DNHD1: variants seen among roughly 807,000 people sequenced by gnomAD.
DNHD1 encodes the protein dynein heavy chain domain-containing protein 1.
In DNHD1, 383 loss-of-function variants were observed where a neutral mutation model predicts 458.1. That is an observed-to-expected ratio of 0.84 (90% CI 0.77 to 0.91). DNHD1 has a LOEUF of 0.91. Ranked by LOEUF, DNHD1 falls within the 40% of genes least tolerant of loss-of-function variation. The probability of loss-of-function intolerance (pLI) is 0.00; values close to 1 mark genes in which losing one functional copy is unlikely to be tolerated. For synonymous variants in DNHD1, 2,203 were observed against 2,376.9 expected (o/e 0.93, Z 2.13); for missense variants, 5,336 against 5,866.1 (o/e 0.91, Z 2.95).
Position 6,559,125 on chromosome 11 carries a change from G to T in DNHD1, c.9416+19G>T. On this transcript the variant is annotated intron_variant, in intron 27 of 42. Coordinates refer to ENST00000254579, the MANE Select transcript of DNHD1 (RefSeq NM_144666.3). ...CCCAGCGGTGAGTGTCCCGTCCCCT[G>T]CAGTGTACCTCCTTCTGCTCCTTTG... 6.4e-7 allele frequency: 1 copy of T among 1,551,676 alleles called. No homozygotes were observed. Among genetic ancestry groups the T allele is most frequent in the Non-Finnish European group, 8.7e-7 (1 of 1,146,982 alleles).
Position 6,519,839 on chromosome 11 carries a change from G to A in DNHD1, c.1632G>A (p.Val544=). The change falls in exon 8 of 43, where the codon GTG becomes GTA. Residue 544 remains valine (V), a synonymous_variant. Coordinates refer to ENST00000254579, the MANE Select transcript of DNHD1 (RefSeq NM_144666.3). ...SVLEEQITSF[V]ANILQAPRQK... ...TGGAAGAGCAGATAACCTCTTTTGT[G>A]GCCAACATCCTTCAAGTGAGGTGGT... is the stretch of plus-strand genomic sequence containing the variant. 1.9e-6 allele frequency: 3 copies of A among 1,612,538 alleles called. No individual in the cohort carries two copies. The South Asian group carries it at 3.3e-5, about 18-fold the overall frequency.
Position 6,551,720 on chromosome 11 carries a change from A to G in DNHD1, c.7387+2787A>G, listed in dbSNP as rs542332858. Reference sequence around the variant, plus strand: ...CACTTTGGGAGGCCAAGGAGGGCAGATCACGAGGTCAGGAGATGGAGACCA... The same window carrying G: ...CACTTTGGGAGGCCAAGGAGGGCAGGTCACGAGGTCAGGAGATGGAGACCA... On this transcript the variant is annotated intron_variant, in intron 24 of 42. Transcript: ENST00000254579. Among the ~76,000 whole-genome samples the G allele has an allele frequency of 2.6e-5, 4 of 152,302 alleles. No homozygotes were observed. The South Asian group carries it at 8.3e-4, about 32-fold the overall frequency.
At position 6,566,221 on chromosome 11, in the gene DNHD1, C is replaced by G. The variant is rs932307739; in HGVS notation, c.11054-20C>G. ...GGGTGCTGGCATTGTGGGTAGGGTG[C>G]CTTTGCCTCCCTCTCACAGGCCTGC... On this transcript the variant is annotated intron_variant, in intron 33 of 42. Coordinates refer to ENST00000254579, the MANE Select transcript of DNHD1 (RefSeq NM_144666.3). 2.6e-6 allele frequency: 4 copies of G among 1,549,408 alleles called. No individual in the cohort carries two copies. The East Asian group carries it at 7.3e-5, about 28-fold the overall frequency.
In DNHD1 at chr11:6,545,187, G is replaced by C; in HGVS notation, c.4248G>C (p.Gln1416His). ...ACTGGGAGTCAAGCCCAAACACACA[G>C]ACTCAGGTGGAGGCACTTGCAGTGC... ...TDDWESSPNT[Q>H]TQVEALAVLG... is the part of the protein sequence containing the mutation. Residue 1416 changes from glutamine (Q) to histidine (H), a missense_variant, in exon 21 of 43, where the codon CAG becomes CAC. Gln to His is a conservative substitution (Grantham distance 24). Coordinates refer to ENST00000254579, the MANE Select transcript of DNHD1 (RefSeq NM_144666.3). This position sits in a 1 kb window ranked among gnomAD's most constrained non-coding sequence, Gnocchi z 4.9. The C allele has an allele frequency of 1.3e-6, 2 of 1,552,010 alleles. No individual in the cohort carries two copies. Among genetic ancestry groups the C allele is most frequent in the Non-Finnish European group, 1.7e-6 (2 of 1,147,064 alleles).
At chr11:6,567,967 T>G in intron 36 of DNHD1, 89 bp from the exon 37 acceptor site, 1 of 1,482,524 alleles carries the variant, frequency 6.7e-7, no homozygotes, top group Non-Finnish European at 9.0e-7. Flanking sequence ...ACGTAGGGAC[T>G]TTGGGGATCA....
At chr11:6,554,722 C>G (rs1388143384) in intron 24 of DNHD1, among the ~76,000 whole-genome samples, 1 of 152,122 alleles carries the variant, frequency 6.6e-6, no homozygotes, top group Non-Finnish European at 1.5e-5. Flanking sequence ...ATTTAAACCA[C>G]CATGTGATAA....
At position 6,567,219 on chromosome 11, in the gene DNHD1, G is replaced by A. The variant is rs774006473; in HGVS notation, c.11710G>A (p.Ala3904Thr). 1.9e-6 allele frequency: 3 copies of A among 1,613,956 alleles called. No homozygotes were observed. In the South Asian group the frequency reaches 3.3e-5, roughly 18 times the overall value. The stretch of plus-strand genomic sequence containing the variant: ...TGAGATTAATCACGGGGAGGACCTG[G>A]CCAGCCATCTACTGCAATTGAGAGC... ...PREINHGEDL[A>T]SHLLQLRAHL... Residue 3904 changes from alanine (A) to threonine (T), a missense_variant, in exon 36 of 43, where the codon GCC (alanine) becomes ACC (threonine). By Grantham distance (58) the Ala-to-Thr change is moderately conservative. Coordinates refer to ENST00000254579, the MANE Select transcript of DNHD1 (RefSeq NM_144666.3).
chr11:6,538,580 C>G (rs1453977042), intron 15 of DNHD1, 32 bp from the exon 16 acceptor site: 2 of 1,549,730 alleles, frequency 1.3e-6, no homozygotes, highest in African/African-American at 1.4e-5. Flanking sequence ...GGGGAAGAGT[C>G]TCAAGCTGAC....
chr11:6,538,277 T>A, intron 14 of DNHD1, 106 bp from the exon 15 acceptor site: 11 of 883,734 alleles, frequency 1.2e-5, no homozygotes, highest in East Asian at 2.9e-5. Flanking sequence ...CAACCATCAC[T>A]TTCTGGACCC....
chr11:6,499,520 T>C (rs1852094497), intron 3 of DNHD1, among the ~76,000 whole-genome samples: 3 of 152,292 alleles, frequency 2.0e-5, no homozygotes, highest in East Asian at 3.9e-4. Context: ...CCTGCCAGTG[T>C]GGGCACTCTG....
At chr11:6,531,400 G>A (rs1042827809) in intron 12 of DNHD1, among the ~76,000 whole-genome samples, 3 of 152,102 alleles carry the variant, frequency 2.0e-5, no homozygotes, top group African/African-American at 7.2e-5. Flanking sequence ...TCCATCTCCA[G>A]CTTCTAATCC....
chr11:6,508,809 A>G, intron 4 of DNHD1, 71 bp from the exon 5 acceptor site: 2 of 1,460,698 alleles, frequency 1.4e-6, no homozygotes, highest in Non-Finnish European at 1.9e-6. Context: ...CATCTCCTGT[A>G]TCCTCCTTTG....
intron 7 of DNHD1, among the ~76,000 whole-genome samples, chr11:6,516,437 A>T (rs1852470779): frequency 6.6e-6 from 1 of 151,586 alleles, no homozygotes; most frequent in Non-Finnish European, 1.5e-5. Context: ...AGCTAGGATT[A>T]CAGGTGCCCA....
chr11:6,532,013 C>T (rs1428912688), intron 12 of DNHD1, among the ~76,000 whole-genome samples: 1 of 152,146 alleles, frequency 6.6e-6, no homozygotes, highest in Non-Finnish European at 1.5e-5. Flanking sequence ...GACATAACCT[C>T]TCTGAGCTTC....
rs1348625591 is a variant in DNHD1 at position 6,559,001 on chromosome 11, G to A, written c.9311G>A (p.Cys3104Tyr). The A allele has an allele frequency of 1.9e-6, 3 of 1,551,558 alleles. No individual in the cohort carries two copies. In the African/African-American group the frequency reaches 4.1e-5, roughly 21 times the overall value. ...GCCACCCACTACCATGAGCACCTGT[G>A]CCCTGCATTGCCACTCGTCACCCCC... Reference protein sequence around the residue: ...LSATHYHEHLCPALPLVTPKT... With the variant: ...LSATHYHEHLYPALPLVTPKT... The change falls in exon 27 of 43, where the codon TGC becomes TAC. Residue 3104 changes from cysteine (C) to tyrosine (Y), a missense_variant. Coordinates refer to ENST00000254579, the MANE Select transcript of DNHD1 (RefSeq NM_144666.3).
chr11:6,549,031 G>T, intron 24 of DNHD1, 98 bp downstream of exon 24: 1 of 1,325,360 alleles, frequency 7.5e-7, no homozygotes, highest in Non-Finnish European at 1.0e-6. Flanking sequence ...TATGTCTGTA[G>T]ATCTAACTTT....
chr11:6,553,033 T>C (rs1158397575), intron 24 of DNHD1, among the ~76,000 whole-genome samples: 1 of 152,216 alleles, frequency 6.6e-6, no homozygotes, highest in African/African-American at 2.4e-5. Flanking sequence ...TGGAGAATAC[T>C]AAGCCATGAT....
Position 6,497,922 on chromosome 11 carries a change from C to A in DNHD1, c.-294C>A. The stretch of plus-strand genomic sequence containing the variant: ...CTCTCACGTCTGTCTTAGGCCTGCT[C>A]CTTACCAGAGTCTTTGGGGAAGCAG... On this transcript the variant is annotated 5_prime_UTR_variant, in exon 3 of 43. Transcript: ENST00000254579. The A allele has an allele frequency of 2.2e-6, 1 of 462,862 alleles. No individual in the cohort carries two copies. Among genetic ancestry groups the A allele is most frequent in the Non-Finnish European group, 3.9e-6 (1 of 253,714 alleles). 28.7% of individuals were successfully genotyped at this position (462,862 alleles called of 1,614,324 possible). A position where few individuals can be genotyped will look rare whatever the true frequency, so the allele number is the denominator to read the frequency against.
intron 10 of DNHD1, among the ~76,000 whole-genome samples, chr11:6,527,084 G>A (rs1326683967): frequency 6.6e-6 from 1 of 152,154 alleles, no homozygotes; most frequent in East Asian, 1.9e-4. Context: ...CTATCCTTGT[G>A]TTTTTGGTTT....
Sources: allele counts gnomAD v4.1 joint callset (sites outside exome capture counted in the v4.1 genomes callset), GRCh38; gene constraint gnomAD v4.1.1; non-coding constraint Gnocchi (gnomAD v3.1); transcripts MANE v1.5; gene names NCBI Gene and HGNC (gene_info 2026-07-23, HGNC 2026-07-21).